Variants in TUT7 observed in about 807,000 individuals in gnomAD.
TUT7 encodes terminal uridylyl transferase 7, also known as terminal uridylyltransferase 7.
In TUT7, 33 loss-of-function variants were observed where a neutral mutation model predicts 165.9. That is an observed-to-expected ratio of 0.20 (90% confidence interval 0.15 to 0.27). The LOEUF (loss-of-function observed/expected upper bound fraction) is 0.27, where lower values mean the gene tolerates loss of function less well. Among genes scored for constraint, TUT7 ranks in the 10% least tolerant of loss-of-function variants. TUT7 has a pLI of 1.00. For synonymous variants in TUT7, 552 were observed against 608.1 expected, an observed-to-expected ratio of 0.91 and a Z score of 1.36; for missense variants, 1,338 against 1,762.3, an observed-to-expected ratio of 0.76 and a Z score of 4.31.
At position 86,305,258 on chromosome 9, in the gene TUT7, G is replaced by A. The variant is rs1263814589; in HGVS notation, c.3839-19C>T. The A allele has an allele frequency of 7.1e-6, 11 of 1,554,522 alleles. No individual in the cohort carries two copies. The highest frequency in any genetic ancestry group is 1.4e-5 in the African/African-American group (1 of 72,560). ...AAGGGATCTAAGCAAAAAAATTTAA[G>A]AGCAAATAAGGTAATCAAATAGAAA... On this transcript the variant is annotated intron_variant, in intron 22 of 26. Coordinates refer to ENST00000375963, the MANE Select transcript of TUT7 (RefSeq NM_024617.4).
intron 9 of TUT7, 34 bp downstream of exon 9, chr9:86,338,789 A>G (rs1218265232): frequency 1.3e-6 from 2 of 1,535,298 alleles, no homozygotes; most frequent in African/African-American, 2.8e-5. Flanking sequence ...ATACATATGT[A>G]GAATGTATTC....
chr9:86,343,528 TC>T (rs1214151923), intron 5 of TUT7, among the ~76,000 whole-genome samples: 1 of 152,214 alleles, frequency 6.6e-6, no homozygotes, highest in Non-Finnish European at 1.5e-5. Flanking sequence ...AAAAAGAATG[TC>T]TTTGTTTAAA....
At chr9:86,330,322 A>G (rs976935922) in intron 10 of TUT7, among the ~76,000 whole-genome samples, 10 of 152,112 alleles carry the variant, frequency 6.6e-5, no homozygotes, top group African/African-American at 2.2e-4. Context: ...GGCCTCCCAA[A>G]GTGCTGTGAT....
At chr9:86,295,458 C>G (rs967161845) in intron 26 of TUT7, among the ~76,000 whole-genome samples, 1 of 151,784 alleles carries the variant, frequency 6.6e-6, no homozygotes, top group Non-Finnish European at 1.5e-5. Context: ...AAAGAATATG[C>G]AAGCACAAGT....
chr9:86,319,769 CTTAAAT>C, intron 14 of TUT7, 99 bp from the exon 15 acceptor site: 1 of 795,856 alleles, frequency 1.3e-6, no homozygotes, highest in Non-Finnish European at 2.0e-6. Context: ...AACTTACAAG[CTTAAAT>C]TTAAAAATTC....
chr9:86,346,188 T>C (rs1831744098), intron 3 of TUT7, 111 bp downstream of exon 3: 1 of 1,041,826 alleles, frequency 9.6e-7, no homozygotes, highest in African/African-American at 1.6e-5. Flanking sequence ...GCTTAAATAC[T>C]GATAACCAAA....
intron 9 of TUT7, among the ~76,000 whole-genome samples, chr9:86,338,174 C>G (rs924034469): frequency 4.0e-5 from 6 of 149,210 alleles, no homozygotes; most frequent in Non-Finnish European, 8.9e-5. Flanking sequence ...ATCAGTAAAG[C>G]TTTTGATTTT....
chr9:86,297,478 A>G (rs1468644928), intron 26 of TUT7, among the ~76,000 whole-genome samples: 1 of 152,220 alleles, frequency 6.6e-6, no homozygotes, highest in Non-Finnish European at 1.5e-5. Flanking sequence ...CACCTTGGCT[A>G]CGCAAGAATT....
Position 86,346,312 on chromosome 9 carries a change from T to C in TUT7, c.689A>G (p.Asp230Gly). The C allele has an allele frequency of 6.2e-7, 1 of 1,613,400 alleles. No individual in the cohort carries two copies. The highest frequency in any genetic ancestry group is 8.5e-7 in the Non-Finnish European group (1 of 1,179,694). The change falls in exon 3 of 27, where the codon GAC becomes GGC. Residue 230 changes from aspartate to glycine, a missense_variant. Asp to Gly is a moderately conservative substitution (Grantham distance 94). This residue lies in a region of TUT7 where 434 missense variants were observed against 480.8 expected (regional missense o/e 0.90). Coordinates refer to ENST00000375963, the MANE Select transcript of TUT7 (RefSeq NM_024617.4). ...AEERLKRDCI[D>G]RLKRRPRNYP... Reference sequence around the variant, plus strand: ...TAAGGATGTTACCCTTTTTAGCCTGTCAATGCAGTCTCTCTTCAGTCTCTC... The same window carrying C: ...TAAGGATGTTACCCTTTTTAGCCTGCCAATGCAGTCTCTCTTCAGTCTCTC...
intron 26 of TUT7, chr9:86,298,912 A>T: frequency 5.7e-6 from 4 of 696,960 alleles, no homozygotes; most frequent in Non-Finnish European, 7.1e-6. Context: ...ATATCCAAGG[A>T]GAGCTGAAAT....
In TUT7 at chr9:86,328,420, C is replaced by G. The variant is rs760244645; in HGVS notation, c.1528G>C (p.Glu510Gln). The G allele has an allele frequency of 9.9e-6, 16 of 1,612,916 alleles. No homozygotes were observed. In the South Asian group the frequency reaches 1.3e-4, roughly 13 times the overall value. Residue 510 changes from glutamate (E) to glutamine (Q), a missense_variant, in exon 11 of 27, where the codon GAA (glutamate) becomes CAA (glutamine). Physicochemically the swap from Glu to Gln is conservative, Grantham distance 29. Transcript: ENST00000375963. ...QDIEKDVVIW[E>Q]HTDSAAGDTG... The stretch of plus-strand genomic sequence containing the variant: ...TCCCCTGCAGCACTGTCAGTATGTT[C>G]CCAGATCACAACATCTTTTTCAATG...
chr9:86,319,698 C>A, intron 14 of TUT7, 28 bp from the exon 15 acceptor site: 1 of 1,464,894 alleles, frequency 6.8e-7, no homozygotes, highest in South Asian at 1.2e-5. Flanking sequence ...GACATATTGA[C>A]AAAATAAGCC....
At chr9:86,342,055 T>A (rs949045932) in intron 6 of TUT7, among the ~76,000 whole-genome samples, 3 of 152,042 alleles carry the variant, frequency 2.0e-5, no homozygotes, top group African/African-American at 4.8e-5. Flanking sequence ...AAATCACTGA[T>A]CAGAATTTAA....
chr9:86,352,537 A>G (rs1372903157), intron 2 of TUT7, 143 bp downstream of exon 2: 1 of 925,460 alleles, frequency 1.1e-6, no homozygotes, highest in African/African-American at 1.6e-5. Flanking sequence ...CCTTAAAATA[A>G]TCACACTAAG....
At position 86,323,258 on chromosome 9, in the gene TUT7, G is replaced by C. The variant is rs1251978084; in HGVS notation, c.2492C>G (p.Thr831Ser). The C allele has an allele frequency of 6.2e-7, 1 of 1,614,102 alleles. No individual in the cohort carries two copies. Among genetic ancestry groups the C allele is most frequent in the Non-Finnish European group, 8.5e-7 (1 of 1,180,030 alleles). ...TGATGTCTGGCCCTGTACTGAGTGG[G>C]TAAAGTGGTTTAGAGAGTCTTCTAG... is the stretch of plus-strand genomic sequence containing the variant. Reference protein sequence around the residue: ...EELEDSLNHFTHSVQGQTSEM... With the variant: ...EELEDSLNHFSHSVQGQTSEM... The change falls in exon 13 of 27, where the codon ACC becomes AGC. Residue 831 changes from threonine to serine, a missense_variant. By Grantham distance (58) the Thr-to-Ser change is moderately conservative. Transcript: ENST00000375963.
intron 6 of TUT7, among the ~76,000 whole-genome samples, chr9:86,341,888 A>C (rs965754920): frequency 6.6e-5 from 10 of 152,112 alleles, no homozygotes; most frequent in Admixed American, 2.0e-4. Context: ...TATAATTACA[A>C]GGTAATTACT....
intron 22 of TUT7, among the ~76,000 whole-genome samples, chr9:86,307,299 T>C (rs1056093966): frequency 6.6e-6 from 1 of 151,734 alleles, no homozygotes; most frequent in Non-Finnish European, 1.5e-5. Context: ...AATACCTTAA[T>C]AAGTGACAGA....
At chr9:86,331,318 T>C (rs1399388153) in intron 10 of TUT7, among the ~76,000 whole-genome samples, 1 of 152,172 alleles carries the variant, frequency 6.6e-6, no homozygotes, top group Non-Finnish European at 1.5e-5. Context: ...GTAAAAAATA[T>C]GTATTCTCCA....
At position 86,311,606 on chromosome 9, in the gene TUT7, CACGG is replaced by C. The variant is rs1431121951; in HGVS notation, c.3275-801_3275-798del. Among the ~76,000 whole-genome samples the C allele has an allele frequency of 5.0e-5, 7 of 140,444 alleles. No individual in the cohort carries two copies. The highest frequency in any genetic ancestry group is 9.2e-5 in the Non-Finnish European group (6 of 64,988). The allele number at this position is 140,444 out of a possible 152,430, so 92.1% of individuals were successfully genotyped here. ...TCCCCTCTTCCCTCTCCCCTCTCCC[CACGG>C]TCTCCCTCTCCCTCTCTTTCCACGG... On this transcript the variant is annotated intron_variant, in intron 17 of 26. Transcript: ENST00000375963. This position sits in a 1 kb window ranked among gnomAD's most constrained non-coding sequence, Gnocchi z 4.4.
Sources: allele counts gnomAD v4.1 joint callset (sites outside exome capture counted in the v4.1 genomes callset), GRCh38; gene constraint gnomAD v4.1.1; regional missense constraint gnomAD v4.1.1; non-coding constraint Gnocchi (gnomAD v3.1); transcripts MANE v1.5; gene names NCBI Gene and HGNC (gene_info 2026-07-23, HGNC 2026-07-21).